The following STXBP5L variants were observed in gnomAD, a reference collection of about 807,000 sequenced individuals.
The protein encoded by STXBP5L is syntaxin binding protein 5L.
In STXBP5L, 65 loss-of-function variants were observed where a neutral mutation model predicts 144.5. The ratio of observed to expected loss-of-function variants is 0.45; its 90% CI spans 0.37 to 0.55. The LOEUF (loss-of-function observed/expected upper bound fraction) is 0.55, where lower values mean the gene tolerates loss of function less well. Among genes scored for constraint, STXBP5L ranks in the 20% least tolerant of loss-of-function variants. The probability of loss-of-function intolerance (pLI) is 0.00; values close to 1 mark genes in which losing one functional copy is unlikely to be tolerated. For synonymous variants in STXBP5L, 505 were observed against 469.6 expected (o/e 1.08, Z -0.97); for missense variants, 1,298 against 1,405.5 (o/e 0.92, Z 1.22).
chr3:121,347,583 C>T (rs2045054076), intron 20 of STXBP5L, among the ~76,000 whole-genome samples: 2 of 152,252 alleles, frequency 1.3e-5, no homozygotes, highest in Admixed American at 6.5e-5. Flanking sequence ...ATTCTTCCTA[C>T]CCATGAGCAT....
intron 5 of STXBP5L, among the ~76,000 whole-genome samples, chr3:121,091,517 C>T (rs897264286): frequency 6.6e-6 from 1 of 152,178 alleles, no homozygotes; most frequent in Admixed American, 6.5e-5. Context: ...ATTTGCATTT[C>T]TCTGATGGCC....
intron 7 of STXBP5L, among the ~76,000 whole-genome samples, chr3:121,135,727 C>T (rs1218477419): frequency 6.6e-6 from 1 of 152,152 alleles, no homozygotes; most frequent in African/African-American, 2.4e-5. Flanking sequence ...TGCCATTCAC[C>T]TCCTGCTGTG....
chr3:121,350,000 T>C (rs1233790761), intron 20 of STXBP5L, among the ~76,000 whole-genome samples: 1 of 152,128 alleles, frequency 6.6e-6, no homozygotes, highest in Admixed American at 6.5e-5. Flanking sequence ...ATCCTGTCAT[T>C]GTGATGTTAG....
chr3:120,928,582 A>G (rs868087876), intron 2 of STXBP5L, among the ~76,000 whole-genome samples: 3 of 151,966 alleles, frequency 2.0e-5, no homozygotes, highest in African/African-American at 4.8e-5. Flanking sequence ...TTCTATCACC[A>G]TAGCTTATGC....
intron 2 of STXBP5L, among the ~76,000 whole-genome samples, chr3:120,949,315 G>A (rs1321654124): frequency 1.3e-5 from 2 of 152,002 alleles, no homozygotes; most frequent in Non-Finnish European, 2.9e-5. Context: ...CTGGATATTA[G>A]TTGTTTCTCA....
Position 121,157,515 on chromosome 3 carries a change from A to C in STXBP5L, c.765A>C (p.Ser255=), listed in dbSNP as rs1022697747. 3.8e-6 allele frequency: 6 copies of C among 1,580,602 alleles called. No homozygotes were observed. Among genetic ancestry groups the C allele is most frequent in the Non-Finnish European group, 5.1e-6 (6 of 1,168,562 alleles). ...TGTTATTTTATTAGGCTATTCATTCAATTGATTGGCATCATGAGGGCAAAC... is the reference window on the plus strand; with the variant it reads ...TGTTATTTTATTAGGCTATTCATTCCATTGATTGGCATCATGAGGGCAAAC... ...LRVYYDEAIH[S]IDWHHEGKQF... Residue 255 remains serine, a synonymous_variant, in exon 9 of 27, where the codon TCA becomes TCC. Coordinates refer to ENST00000471454, the MANE Select transcript of STXBP5L (RefSeq NM_001308330.2).
At chr3:120,957,765 A>G (rs1422863155) in intron 3 of STXBP5L, among the ~76,000 whole-genome samples, 2 of 152,170 alleles carry the variant, frequency 1.3e-5, no homozygotes, top group Non-Finnish European at 2.9e-5. Context: ...AGCAGTGTGT[A>G]GAGGGAAATT....
intron 5 of STXBP5L, among the ~76,000 whole-genome samples, chr3:121,077,897 A>G (rs1194814220): frequency 6.6e-6 from 1 of 151,930 alleles, no homozygotes; most frequent in Non-Finnish European, 1.5e-5. Context: ...CTTGAGCTAG[A>G]TACAGAGTGC....
intron 18 of STXBP5L, among the ~76,000 whole-genome samples, chr3:121,261,034 G>A (rs1394985477): frequency 1.3e-5 from 2 of 152,270 alleles, no homozygotes; most frequent in Admixed American, 1.3e-4. Context: ...AGTAATTACT[G>A]TGAAAGATAG....
intron 3 of STXBP5L, among the ~76,000 whole-genome samples, chr3:121,036,261 A>T (rs993252011): frequency 6.6e-6 from 1 of 152,158 alleles, no homozygotes; most frequent in Non-Finnish European, 1.5e-5. Context: ...TGAACCCAGG[A>T]GGCAGAGGTT....
At chr3:121,196,760 C>T (rs1272457954) in intron 9 of STXBP5L, among the ~76,000 whole-genome samples, 2 of 151,984 alleles carry the variant, frequency 1.3e-5, no homozygotes, top group African/African-American at 4.8e-5. Context: ...GCCTCAACCT[C>T]CCTGGCTCAA....
At chr3:121,079,626 G>A (rs761879413) in intron 5 of STXBP5L, among the ~76,000 whole-genome samples, 14 of 152,126 alleles carry the variant, frequency 9.2e-5, no homozygotes, top group Non-Finnish European at 1.0e-4. Context: ...TCCATGATTT[G>A]TATAGTTTTG....
intron 8 of STXBP5L, among the ~76,000 whole-genome samples, chr3:121,156,843 G>T (rs887805073): frequency 5.9e-5 from 9 of 152,022 alleles, no homozygotes; most frequent in Middle Eastern, 3.4e-3. Flanking sequence ...TATATGGGAG[G>T]ATATTCATAG....
intron 7 of STXBP5L, among the ~76,000 whole-genome samples, chr3:121,151,202 C>G (rs763092622): frequency 2.0e-4 from 30 of 152,008 alleles, no homozygotes; most frequent in Non-Finnish European, 8.8e-5. Context: ...TTAGTACAGT[C>G]ATATCAATTT....
chr3:121,114,504 A>G (rs2044146928), intron 5 of STXBP5L, among the ~76,000 whole-genome samples: 1 of 152,138 alleles, frequency 6.6e-6, no homozygotes, highest in Non-Finnish European at 1.5e-5. Context: ...AGCAAATATG[A>G]TCTTAAAAAT....
intron 9 of STXBP5L, among the ~76,000 whole-genome samples, chr3:121,186,993 G>A (rs1170992257): frequency 6.6e-6 from 1 of 152,124 alleles, no homozygotes; most frequent in African/African-American, 2.4e-5. Flanking sequence ...AACCATTGTG[G>A]AAGTCAGTGT....
intron 20 of STXBP5L, among the ~76,000 whole-genome samples, chr3:121,339,564 C>A (rs977140141): frequency 2.6e-5 from 4 of 151,828 alleles, no homozygotes; most frequent in Admixed American, 2.0e-4. Context: ...CATAGCCAGG[C>A]CAATCAGTCA....
Position 121,343,816 on chromosome 3 carries a change from G to T in STXBP5L, c.2176+25276G>T, listed in dbSNP as rs188080089. Among the ~76,000 whole-genome samples, 1,100 of 152,034 alleles carry T rather than the reference G, an allele frequency of 7.2e-3. 19 individuals carry two copies. Among genetic ancestry groups the T allele is most frequent in the African/African-American group, 0.025 (1,041 of 41,440 alleles). ...AAGAATCAATATCGTGAAAATGGCC[G>T]TACTGCCCAAGGTAATTTATAGATT... On this transcript the variant is annotated intron_variant, in intron 20 of 26. Coordinates refer to ENST00000471454, the MANE Select transcript of STXBP5L (RefSeq NM_001308330.2).
intron 5 of STXBP5L, among the ~76,000 whole-genome samples, chr3:121,095,155 C>T (rs929448243): frequency 2.5e-4 from 38 of 152,294 alleles, no homozygotes; most frequent in Non-Finnish European, 2.2e-4. Context: ...CCGAGAGATC[C>T]GCTGTTAGTC....
Sources: gnomAD v4.1 joint callset for allele counts (sites outside exome capture counted in the v4.1 genomes callset) on GRCh38, gnomAD v4.1.1 for gene constraint, MANE v1.5 for transcripts, NCBI Gene and HGNC (gene_info 2026-07-23, HGNC 2026-07-21) for gene names.